Variants in MAGI1 observed in about 807,000 individuals in gnomAD.
MAGI1 encodes membrane-associated guanylate kinase, WW and PDZ domain-containing protein 1.
A neutral mutation model predicts 139.9 loss-of-function variants in MAGI1; 58 were observed. That is an observed-to-expected ratio of 0.41 (90% confidence interval 0.34 to 0.52). MAGI1 has a LOEUF of 0.52. Ranked by LOEUF, MAGI1 falls within the 20% of genes least tolerant of loss-of-function variation. The pLI, the probability that MAGI1 is intolerant of heterozygous loss-of-function variation, is 0.12. For missense variants in MAGI1, 1,874 were observed against 1,901.6 expected, an observed-to-expected ratio of 0.99 and a Z score of 0.27; for synonymous variants, 812 against 737.9, an observed-to-expected ratio of 1.10 and a Z score of -1.63.
At chr3:65,571,014 C>T (rs1356225596) in intron 2 of MAGI1, among the ~76,000 whole-genome samples, 1 of 152,120 alleles carries the variant, frequency 6.6e-6, no homozygotes, top group Non-Finnish European at 1.5e-5. Flanking sequence ...ATCAGATGCA[C>T]TTGCTAATTT....
intron 1 of MAGI1, among the ~76,000 whole-genome samples, chr3:65,812,439 C>A (rs1047340578): frequency 2.2e-5 from 3 of 136,028 alleles, no homozygotes; most frequent in Admixed American, 1.5e-4. Flanking sequence ...AAATCTCTCT[C>A]TCTCTTTCTC....
At chr3:65,472,438 G>C (rs1259576732) in intron 4 of MAGI1, among the ~76,000 whole-genome samples, 1 of 152,098 alleles carries the variant, frequency 6.6e-6, no homozygotes, top group Non-Finnish European at 1.5e-5. Context: ...TATTCAGGTG[G>C]TATAATAACT....
In MAGI1 at chr3:65,370,697, G is replaced by C. The variant is rs1941899750; in HGVS notation, c.3196+5048C>G. Among the ~76,000 whole-genome samples, 3 of 152,312 alleles carry C rather than the reference G, an allele frequency of 2.0e-5. No homozygotes were observed. In the South Asian group the frequency reaches 6.2e-4, roughly 32 times the overall value. ...TCTGTCATCCAGGCTGGAGTGCAGT[G>C]GCATGATCAGGGCTCACTGAAGCTC... On this transcript the variant is annotated intron_variant, in intron 18 of 22. Coordinates refer to ENST00000402939, the MANE Select transcript of MAGI1 (RefSeq NM_001033057.2).
intron 1 of MAGI1, among the ~76,000 whole-genome samples, chr3:65,912,273 T>C (rs911365945): frequency 2.7e-5 from 4 of 149,672 alleles, no homozygotes; most frequent in African/African-American, 9.8e-5. Flanking sequence ...TCCTAAATCA[T>C]ACACATCGTG....
intron 17 of MAGI1, 141 bp downstream of exon 17, chr3:65,379,120 C>G: frequency 6.6e-7 from 1 of 1,511,764 alleles, no homozygotes; most frequent in Non-Finnish European, 8.9e-7. Flanking sequence ...AACTCCATCT[C>G]CAATTAAGTC....
At chr3:65,724,912 C>T (rs932535851) in intron 1 of MAGI1, among the ~76,000 whole-genome samples, 3 of 152,118 alleles carry the variant, frequency 2.0e-5, no homozygotes, top group Non-Finnish European at 4.4e-5. Flanking sequence ...CCCACTGGGT[C>T]CCTCCCACAA....
intron 22 of MAGI1, chr3:65,359,033 A>G: frequency 6.3e-7 from 1 of 1,590,980 alleles, no homozygotes; most frequent in Non-Finnish European, 8.6e-7. Context: ...GCCACAGCAC[A>G]GAAACACCTA....
At chr3:66,001,735 A>G (rs958153999) in intron 1 of MAGI1, among the ~76,000 whole-genome samples, 6 of 152,226 alleles carry the variant, frequency 3.9e-5, no homozygotes, top group Admixed American at 1.3e-4. Flanking sequence ...TGTCCAGTTC[A>G]TAACAATGTG....
intron 1 of MAGI1, among the ~76,000 whole-genome samples, chr3:65,774,562 C>T (rs986097520): frequency 1.3e-5 from 2 of 152,098 alleles, no homozygotes; most frequent in African/African-American, 4.8e-5. Context: ...TGGCTTGTGT[C>T]CCCTAAAAAC....
intron 1 of MAGI1, among the ~76,000 whole-genome samples, chr3:65,709,532 G>A (rs534122129): frequency 2.0e-5 from 3 of 152,320 alleles, no homozygotes; most frequent in South Asian, 2.1e-4. Flanking sequence ...GGAACATCAT[G>A]GGTGAGTTTT....
intron 1 of MAGI1, among the ~76,000 whole-genome samples, chr3:65,637,576 G>T (rs1232921131): frequency 6.8e-6 from 1 of 147,432 alleles, no homozygotes; most frequent in African/African-American, 2.5e-5. Context: ...AAGAAAGAAA[G>T]AAAGAAAGAA....
At chr3:65,818,392 C>G (rs1027245690) in intron 1 of MAGI1, among the ~76,000 whole-genome samples, 1 of 152,130 alleles carries the variant, frequency 6.6e-6, no homozygotes, top group African/African-American at 2.4e-5. Flanking sequence ...AGATTTACAG[C>G]TGAATAAAGG....
At position 65,375,830 on chromosome 3, in the gene MAGI1, G is replaced by T. The variant is rs1463071995; in HGVS notation, c.3111C>A (p.Ser1037=). The change falls in exon 18 of 23, where the codon TCC becomes TCA. Residue 1037 remains serine (S), a synonymous_variant. Coordinates refer to ENST00000402939, the MANE Select transcript of MAGI1 (RefSeq NM_001033057.2). Reference sequence around the variant, plus strand: ...TGTCTGAATGGGATTTGTTGGTGATGGAACATCCATTTACTGCCAAGATCC... The same window carrying T: ...TGTCTGAATGGGATTTGTTGGTGATTGAACATCCATTTACTGCCAAGATCC... ...GDRILAVNGC[S]ITNKSHSDIV... The T allele has an allele frequency of 6.2e-7, 1 of 1,614,066 alleles. No individual in the cohort carries two copies. The highest frequency in any genetic ancestry group is 1.7e-5 in the Admixed American group (1 of 60,008).
At chr3:65,945,690 TC>T (rs1159644183) in intron 1 of MAGI1, among the ~76,000 whole-genome samples, 2 of 152,246 alleles carry the variant, frequency 1.3e-5, no homozygotes, top group African/African-American at 2.4e-5. Context: ...GTATCTCACT[TC>T]CGATTTCTGT....
intron 1 of MAGI1, among the ~76,000 whole-genome samples, chr3:66,001,330 A>T (rs906460285): frequency 1.4e-4 from 21 of 152,218 alleles, no homozygotes; most frequent in Non-Finnish European, 3.1e-4. Context: ...TTCAAAAAAG[A>T]TATATAATAT....
intron 14 of MAGI1, among the ~76,000 whole-genome samples, chr3:65,387,609 T>C (rs1356614066): frequency 6.6e-6 from 1 of 152,236 alleles, no homozygotes; most frequent in Non-Finnish European, 1.5e-5. Context: ...CTACAGCATT[T>C]ATTCAAAAGT....
chr3:65,473,400 C>T (rs558013691), intron 4 of MAGI1, among the ~76,000 whole-genome samples: 1 of 152,228 alleles, frequency 6.6e-6, no homozygotes, highest in Admixed American at 6.5e-5. Context: ...GCACCTGGGG[C>T]ATGCTCAATG....
At position 65,690,924 on chromosome 3, in the gene MAGI1, C is replaced by T. The variant is rs1039760951; in HGVS notation, c.314-68836G>A. Among the ~76,000 whole-genome samples the T allele has an allele frequency of 9.9e-5, 15 of 152,228 alleles. 1 individual carries two copies. The highest frequency in any genetic ancestry group is 3.6e-4 in the African/African-American group (15 of 41,512). Reference sequence around the variant, plus strand: ...AATTCTGACCAATATGCCCCACTTACCAAACTAGCAAAATGTGCACCTAAT... The same window carrying T: ...AATTCTGACCAATATGCCCCACTTATCAAACTAGCAAAATGTGCACCTAAT... On this transcript the variant is annotated intron_variant, in intron 1 of 22. Coordinates refer to ENST00000402939, the MANE Select transcript of MAGI1 (RefSeq NM_001033057.2).
intron 1 of MAGI1, among the ~76,000 whole-genome samples, chr3:65,738,688 T>C (rs933219140): frequency 2.6e-5 from 4 of 152,194 alleles, no homozygotes; most frequent in South Asian, 2.1e-4. Flanking sequence ...ACAACATTCA[T>C]CTCCATGTAC....
Sources: allele counts gnomAD v4.1 joint callset (sites outside exome capture counted in the v4.1 genomes callset), GRCh38; gene constraint gnomAD v4.1.1; transcripts MANE v1.5; gene names NCBI Gene and HGNC (gene_info 2026-07-23, HGNC 2026-07-21).